The following CCDC170 variants were observed in gnomAD, a reference collection of about 807,000 sequenced individuals.
The protein encoded by CCDC170 is coiled-coil domain containing 170.
CCDC170 carries 69 observed loss-of-function variants against 72.6 expected under a neutral mutation model. That is an observed-to-expected ratio of 0.95 (90% CI 0.78 to 1.16). The LOEUF is 1.16. CCDC170 is among the 50% of genes most tolerant of loss of function. CCDC170 has a pLI of 0.00. For missense variants in CCDC170, 852 were observed against 832.5 expected, an observed-to-expected ratio of 1.02 and a Z score of -0.29; for synonymous variants, 300 against 303.9, an observed-to-expected ratio of 0.99 and a Z score of 0.13.
Position 151,573,241 on chromosome 6 carries a change from T to C in CCDC170, c.842T>C (p.Leu281Pro). The C allele has an allele frequency of 6.2e-7, 1 of 1,614,118 alleles. No individual in the cohort carries two copies. The stretch of plus-strand genomic sequence containing the variant: ...GAAGTTAAGATCTTCCAAGAAAGGC[T>C]GCTTGCTGGCCAGCAGGTCTGGGAT... ...EREVKIFQER[L>P]LAGQQVWDAS... Residue 281 changes from leucine to proline, a missense_variant, in exon 6 of 11, where the codon CTG becomes CCG. Physicochemically the swap from Leu to Pro is moderately conservative, Grantham distance 98. Coordinates refer to ENST00000239374, the MANE Select transcript of CCDC170 (RefSeq NM_025059.4).
At chr6:151,586,165 T>C (rs1776448915) in intron 7 of CCDC170, 76 bp downstream of exon 7, 1 of 1,449,786 alleles carries the variant, frequency 6.9e-7, no homozygotes, top group East Asian at 2.3e-5. Flanking sequence ...TATCCTGAAT[T>C]TTACAGTATT....
chr6:151,517,649 G>T (rs1005319468), intron 1 of CCDC170, among the ~76,000 whole-genome samples: 8 of 151,376 alleles, frequency 5.3e-5, no homozygotes, highest in African/African-American at 1.9e-4. Flanking sequence ...TCACCATGTT[G>T]GTCAGGCTGG....
intron 1 of CCDC170, among the ~76,000 whole-genome samples, chr6:151,533,333 T>C (rs372294640): frequency 4.4e-4 from 67 of 151,128 alleles, no homozygotes; most frequent in Middle Eastern, 3.4e-3. Flanking sequence ...GGATTACAGG[T>C]GTGAGCCGCC....
intron 1 of CCDC170, among the ~76,000 whole-genome samples, chr6:151,510,102 G>T (rs1782127303): frequency 6.6e-6 from 1 of 152,168 alleles, no homozygotes; most frequent in Admixed American, 6.5e-5. Context: ...GCAACAGAAA[G>T]AGACTCCGTC....
Position 151,618,323 on chromosome 6 carries a change from C to A in CCDC170, c.*176C>A. On this transcript the variant is annotated 3_prime_UTR_variant, in exon 11 of 11. Transcript: ENST00000239374. ...AAAGTGTCAGCCTTAGATAAACGTT[C>A]AGCATTAAAAACGCCTATTATTTCA... The A allele has an allele frequency of 1.7e-6, 1 of 586,664 alleles. No individual in the cohort carries two copies. The highest frequency in any genetic ancestry group is 2.9e-6 in the Non-Finnish European group (1 of 339,342). 36.3% of individuals were successfully genotyped at this position (586,664 alleles called of 1,614,324 possible).
intron 1 of CCDC170, among the ~76,000 whole-genome samples, chr6:151,518,146 C>A (rs148205664): frequency 1.8e-3 from 274 of 152,242 alleles, no homozygotes; most frequent in African/African-American, 5.6e-3. Flanking sequence ...CAACCTTTCT[C>A]CTTTTGACTT....
At chr6:151,539,959 C>T (rs58697243) in intron 3 of CCDC170, among the ~76,000 whole-genome samples, 7,868 of 152,188 alleles carry the variant, frequency 0.052, 302 homozygotes, top group East Asian at 0.21. Flanking sequence ...TATCTATCTT[C>T]AAAACAAATC....
At position 151,531,160 on chromosome 6, in the gene CCDC170, T is replaced by C. The variant is rs1253095452; in HGVS notation, c.58-5158T>C. Among the ~76,000 whole-genome samples the C allele has an allele frequency of 2.0e-5, 3 of 152,162 alleles. No individual in the cohort carries two copies. In the East Asian group the frequency reaches 5.8e-4, roughly 29 times the overall value. On this transcript the variant is annotated intron_variant, in intron 1 of 10. Transcript: ENST00000239374. ...GCTGAAATCCTTACCTCCAAGAAGA[T>C]GGTATTAGGAGATGGGACCTTTGGG...
At position 151,536,374 on chromosome 6, in the gene CCDC170, T is replaced by A. The variant is rs201797826; in HGVS notation, c.114T>A (p.Tyr38Ter). 6.2e-7 allele frequency: 1 copy of A among 1,614,136 alleles called. No homozygotes were observed. Among genetic ancestry groups the A allele is most frequent in the Non-Finnish European group, 8.5e-7 (1 of 1,180,018 alleles). ...TCACGCGGGAGCAGTTAAACCACTA[T>A]CGGAATGTGGCTCAAAATGCTCGAA... ...VPVTREQLNH[Y>*]RNVAQNARSE... The change falls in exon 2 of 11, where the codon TAT becomes TAA. Residue 38 changes from tyrosine to a stop codon, truncating the protein, a stop_gained. Transcript: ENST00000239374. LOFTEE classifies it high-confidence loss of function.
At chr6:151,512,902 A>G (rs1369014165) in intron 1 of CCDC170, among the ~76,000 whole-genome samples, 1 of 152,240 alleles carries the variant, frequency 6.6e-6, no homozygotes, top group Non-Finnish European at 1.5e-5. Context: ...ATTGAGAAGG[A>G]ACTGATTAAG....
chr6:151,581,895 G>A (rs1470119946), intron 6 of CCDC170, among the ~76,000 whole-genome samples: 1 of 152,216 alleles, frequency 6.6e-6, no homozygotes, highest in South Asian at 2.1e-4. Context: ...CTTTTACTGA[G>A]CCATAGGTCT....
At chr6:151,606,436 T>C (rs1776785872) in intron 9 of CCDC170, among the ~76,000 whole-genome samples, 1 of 152,228 alleles carries the variant, frequency 6.6e-6, no homozygotes, top group Admixed American at 6.5e-5. Flanking sequence ...TTTCCAAAGT[T>C]TCTCTTGTGA....
intron 5 of CCDC170, among the ~76,000 whole-genome samples, chr6:151,549,089 T>C (rs1185079576): frequency 6.6e-6 from 1 of 152,024 alleles, no homozygotes; most frequent in Non-Finnish European, 1.5e-5. Context: ...GTATTTTTAG[T>C]AGAGATGGGG....
chr6:151,522,782 T>C (rs1045358730), intron 1 of CCDC170, among the ~76,000 whole-genome samples: 1 of 152,204 alleles, frequency 6.6e-6, no homozygotes, highest in Admixed American at 6.5e-5. Context: ...ACTGAAACTT[T>C]ATAACAACCT....
intron 1 of CCDC170, among the ~76,000 whole-genome samples, chr6:151,501,963 T>A (rs1026310725): frequency 3.3e-5 from 5 of 152,370 alleles, no homozygotes; most frequent in Admixed American, 2.0e-4. Context: ...TTTCCTTTGA[T>A]ATTGGTGCTT....
rs550522574 is a variant in CCDC170, at chr6:151,593,291, T to C, written c.1467+11T>C. The C allele has an allele frequency of 1.9e-6, 3 of 1,608,964 alleles. No homozygotes were observed. The highest frequency in any genetic ancestry group is 1.1e-5 in the South Asian group (1 of 90,708). On this transcript the variant is annotated intron_variant, in intron 8 of 10. Transcript: ENST00000239374. ...AATTTGCAGAGAAAGGTAGGAGATA[T>C]TGAAACTTGCTAGTATTGAGAGAAG...
At chr6:151,565,956 A>T (rs1257097289) in intron 5 of CCDC170, among the ~76,000 whole-genome samples, 1 of 152,108 alleles carries the variant, frequency 6.6e-6, no homozygotes, top group Non-Finnish European at 1.5e-5. Flanking sequence ...TACAATTTCC[A>T]GATGGGAACT....
intron 5 of CCDC170, among the ~76,000 whole-genome samples, chr6:151,551,201 G>A (rs921427019): frequency 9.9e-5 from 15 of 152,042 alleles, no homozygotes; most frequent in African/African-American, 2.9e-4. Flanking sequence ...ATTTGTTATT[G>A]TTTATTTATT....
intron 9 of CCDC170, among the ~76,000 whole-genome samples, chr6:151,601,590 G>C (rs965857552): frequency 1.3e-5 from 2 of 151,846 alleles, no homozygotes. Context: ...TATCTACATC[G>C]GTCTATCAAT....
Sources: allele counts gnomAD v4.1 joint callset (sites outside exome capture counted in the v4.1 genomes callset), GRCh38; gene constraint gnomAD v4.1.1; transcripts MANE v1.5; gene names NCBI Gene and HGNC (gene_info 2026-07-23, HGNC 2026-07-21).